PYHIN1: variants seen among roughly 807,000 people sequenced by gnomAD.
The protein encoded by PYHIN1 is pyrin and HIN domain family member 1.
In PYHIN1, 32 loss-of-function variants were observed where a neutral mutation model predicts 43.7. The ratio of observed to expected loss-of-function variants is 0.73; its 90% CI spans 0.55 to 0.98. The LOEUF (loss-of-function observed/expected upper bound fraction) is 0.98, where lower values mean the gene tolerates loss of function less well. Ranked by LOEUF, PYHIN1 falls within the 50% of genes least tolerant of loss-of-function variation. The probability of loss-of-function intolerance (pLI) is 0.00; values close to 1 mark genes in which losing one functional copy is unlikely to be tolerated. For missense variants in PYHIN1, 588 were observed against 589.5 expected (o/e 1.00, Z 0.03); for synonymous variants, 205 against 203.1 (o/e 1.01, Z -0.08).
the PYHIN1 span, among the ~76,000 whole-genome samples, chr1:158,986,859 G>C: frequency 6.6e-6 from 1 of 152,182 alleles, no homozygotes; most frequent in Admixed American, 6.5e-5. Context: ...AGCCAGCTCA[G>C]ATGTCTGTGG....
At chr1:158,958,216 G>A (rs1650081033) in intron 7 of PYHIN1, among the ~76,000 whole-genome samples, 1 of 151,700 alleles carries the variant, frequency 6.6e-6, no homozygotes, top group South Asian at 2.1e-4. Flanking sequence ...CAGGGATCTA[G>A]AATTAGAAAT....
rs530663722 is a variant in PYHIN1, at chr1:158,944,057, T to C, written c.1191+79T>C. The C allele has an allele frequency of 2.5e-5, 31 of 1,231,034 alleles. No homozygotes were observed. The African/African-American group carries it at 4.1e-4, about 16-fold the overall frequency. 76.3% of individuals were successfully genotyped at this position (1,231,034 alleles called of 1,614,324 possible). ...TAAGTTTTAGGAAGCCATACTTCTGTTGTTTTACACTTAAAATTCTGCAGA... is the reference window on the plus strand; with the variant it reads ...TAAGTTTTAGGAAGCCATACTTCTGCTGTTTTACACTTAAAATTCTGCAGA... On this transcript the variant is annotated intron_variant, in intron 6 of 8. Transcript: ENST00000368140.
chr1:158,938,438 C>T lies in PYHIN1; in HGVS notation c.307C>T (p.Pro103Ser). 1 of 1,614,060 alleles carries T rather than the reference C, an allele frequency of 6.2e-7. No homozygotes were observed. Among genetic ancestry groups the T allele is most frequent in the South Asian group, 1.1e-5 (1 of 91,072 alleles). ...ATCCATTCCAGTCAAAGGAATAATC[C>T]CATCTAAAAAGACGAAACAGAAAGA... Reference protein sequence around the residue: ...IESIPVKGIIPSKKTKQKEVY... With the variant: ...IESIPVKGIISSKKTKQKEVY... The change falls in exon 3 of 9, where the codon CCA becomes TCA. Residue 103 changes from proline (P) to serine (S), a missense_variant. Pro to Ser is a moderately conservative substitution (Grantham distance 74). Transcript: ENST00000368140.
chr1:158,945,291 A>C, intron 7 of PYHIN1: 8 of 304,968 alleles, frequency 2.6e-5, no homozygotes, highest in East Asian at 1.1e-4. Flanking sequence ...TGCTCCACCT[A>C]TGGGAGGGGT....
intron 7 of PYHIN1, among the ~76,000 whole-genome samples, chr1:158,946,547 TTAGATAGATAGA>T (rs4053507): frequency 6.1e-4 from 91 of 148,540 alleles, no homozygotes; most frequent in South Asian, 1.1e-3. Context: ...AGCACAGTGA[TTAGATAGATAGA>T]TAGATAGATA....
intron 7 of PYHIN1, among the ~76,000 whole-genome samples, chr1:158,952,108 G>GTTT (rs35079460): frequency 2.0e-4 from 24 of 118,114 alleles, no homozygotes; most frequent in African/African-American, 5.5e-4. Context: ...GCCTGTGTCG[G>GTTT]TTTTTTTTTT....
At chr1:158,931,978 A>T (rs1648191847) in intron 1 of PYHIN1, among the ~76,000 whole-genome samples, 1 of 152,190 alleles carries the variant, frequency 6.6e-6, no homozygotes, top group Non-Finnish European at 1.5e-5. Flanking sequence ...GATATCCTTT[A>T]TTCTACAACT....
the PYHIN1 span, among the ~76,000 whole-genome samples, chr1:158,984,305 A>G: frequency 6.6e-6 from 1 of 151,650 alleles, no homozygotes; most frequent in Non-Finnish European, 1.5e-5. Context: ...TTTTCTCTTA[A>G]CACTGCTTTA....
In PYHIN1 at chr1:158,933,552, A is replaced by G. The variant is rs941690112; in HGVS notation, c.-21+1776A>G. 1.3e-5 allele frequency among the ~76,000 whole-genome samples: 2 copies of G among 152,052 alleles called. No individual in the cohort carries two copies. Among genetic ancestry groups the G allele is most frequent in the African/African-American group, 4.8e-5 (2 of 41,440 alleles). On this transcript the variant is annotated intron_variant, in intron 1 of 8. Transcript: ENST00000368140. This position sits in a 1 kb window ranked among gnomAD's most constrained non-coding sequence, Gnocchi z 6.3. Reference sequence around the variant, plus strand: ...CAGTGATCTTTTACTGACAACATACATATAGAAATTTTAAATCAAATTTGA... The same window carrying G: ...CAGTGATCTTTTACTGACAACATACGTATAGAAATTTTAAATCAAATTTGA...
At chr1:158,977,526 A>G (rs187028272), downstream of PYHIN1, among the ~76,000 whole-genome samples, 1 of 152,208 alleles carries the variant, frequency 6.6e-6, no homozygotes, top group Admixed American at 6.6e-5. Context: ...ACATTCCACT[A>G]TATGAATCCA....
intron 7 of PYHIN1, among the ~76,000 whole-genome samples, chr1:158,971,163 C>G (rs983257550): frequency 6.6e-5 from 10 of 151,950 alleles, no homozygotes; most frequent in African/African-American, 1.9e-4. Flanking sequence ...GTTTGTTGTC[C>G]TCACTTGGAA....
intron 7 of PYHIN1, among the ~76,000 whole-genome samples, chr1:158,950,572 AC>A (rs1239405380): frequency 6.6e-6 from 1 of 152,208 alleles, no homozygotes; most frequent in East Asian, 1.9e-4. Flanking sequence ...ACCGTACATT[AC>A]CGTTGACATC....
rs369357722 is a variant in PYHIN1, at chr1:158,941,970, T to A, written c.580-7T>A. 16 of 1,577,638 alleles carry A rather than the reference T, an allele frequency of 1.0e-5. No homozygotes were observed. The highest frequency in any genetic ancestry group is 1.4e-5 in the Non-Finnish European group (16 of 1,165,224). The stretch of plus-strand genomic sequence containing the variant: ...TCTTTTTTGTATTCCTTTTGTATCA[T>A]GCGCAGAGCCTAAAACCATTGGCCA... On this transcript the variant is annotated splice_region_variant and splice_polypyrimidine_tract_variant and intron_variant, in intron 4 of 8. Coordinates refer to ENST00000368140, the MANE Select transcript of PYHIN1 (RefSeq NM_152501.5).
rs202091708 is a variant in PYHIN1 at position 158,973,734 on chromosome 1, A to T, written c.1447A>T (p.Thr483Ser). Residue 483 changes from threonine to serine, a missense_variant, in exon 8 of 9, where the codon ACT becomes TCT. Physicochemically the swap from Thr to Ser is moderately conservative, Grantham distance 58. Coordinates refer to ENST00000368140, the MANE Select transcript of PYHIN1 (RefSeq NM_152501.5). ...TGTGGCCCCTCCTCTTTCTTCTGACACTTCCACCAACCGCCATCCAGCAGT... is the reference window on the plus strand; with the variant it reads ...TGTGGCCCCTCCTCTTTCTTCTGACTCTTCCACCAACCGCCATCCAGCAGT... ...PTVAPPLSSD[T>S]STNRHPAVP The T allele has an allele frequency of 1.2e-6, 2 of 1,613,098 alleles. No homozygotes were observed. The highest frequency in any genetic ancestry group is 1.7e-6 in the Non-Finnish European group (2 of 1,179,430).
At chr1:158,943,641 T>C (rs1420820848) in intron 5 of PYHIN1, 149 bp from the exon 6 acceptor site, 2 of 470,310 alleles carry the variant, frequency 4.3e-6, no homozygotes, top group Non-Finnish European at 7.7e-6. Context: ...CTCTGTGAGA[T>C]GGTCTAGACT....
At chr1:158,936,315 G>GT (rs1264015671) in intron 1 of PYHIN1, among the ~76,000 whole-genome samples, 1 of 147,918 alleles carries the variant, frequency 6.8e-6, no homozygotes, top group African/African-American at 2.5e-5. Flanking sequence ...GCGGTGTTTG[G>GT]TTTTTTGTCC....
At chr1:158,938,910 T>G (rs1423598177) in intron 3 of PYHIN1, among the ~76,000 whole-genome samples, 170 bp from the exon 4 acceptor site, 2 of 152,204 alleles carry the variant, frequency 1.3e-5, no homozygotes, top group African/African-American at 4.8e-5. Context: ...CTCTGCTCCC[T>G]TTTTAAAAAT....
intron 7 of PYHIN1, among the ~76,000 whole-genome samples, chr1:158,962,226 G>A (rs1281523987): frequency 6.6e-6 from 1 of 152,178 alleles, no homozygotes; most frequent in Non-Finnish European, 1.5e-5. Context: ...CACTGGGCAG[G>A]ACCTCCTGAC....
Position 158,939,155 on chromosome 1 carries a change from T to G in PYHIN1, c.487T>G (p.Cys163Gly), listed in dbSNP as rs1384965928. 3.7e-6 allele frequency: 6 copies of G among 1,613,978 alleles called. No individual in the cohort carries two copies. The highest frequency in any genetic ancestry group is 5.1e-6 in the Non-Finnish European group (6 of 1,179,958). ...KMSKEQTRPS[C>G]SAGASTSTAM... is the part of the protein sequence containing the mutation. ...GTCCAAAGAGCAGACTCGGCCTTCC[T>G]GCTCTGCAGGAGCCAGCACGTCCAC... The change falls in exon 4 of 9, where the codon TGC (cysteine) becomes GGC (glycine). Residue 163 changes from cysteine (C) to glycine (G), a missense_variant. Cys to Gly is a radical substitution (Grantham distance 159, BLOSUM62 -3). Transcript: ENST00000368140.
Sources: allele counts gnomAD v4.1 joint callset (sites outside exome capture counted in the v4.1 genomes callset), GRCh38; gene constraint gnomAD v4.1.1; non-coding constraint Gnocchi (gnomAD v3.1); transcripts MANE v1.5; gene names NCBI Gene and HGNC (gene_info 2026-07-23, HGNC 2026-07-21).